CREB3L1: variants seen among roughly 807,000 people sequenced by gnomAD.
CREB3L1 encodes the protein cAMP responsive element binding protein 3 like 1, also known as cyclic AMP-responsive element-binding protein 3-like protein 1.
Under a neutral mutation model 54.5 loss-of-function variants are expected in CREB3L1, and 33 were observed. The observed-to-expected ratio is 0.61, with a 90% CI of 0.46 to 0.81. CREB3L1 has a LOEUF of 0.81. Ranked by LOEUF, CREB3L1 falls within the 30% of genes least tolerant of loss-of-function variation. The probability of loss-of-function intolerance (pLI) is 0.00; values close to 1 mark genes in which losing one functional copy is unlikely to be tolerated. For synonymous variants in CREB3L1, 284 were observed against 286.4 expected (o/e 0.99, Z 0.08); for missense variants, 656 against 673.3 (o/e 0.97, Z 0.29).
At chr11:46,318,862 C>T (rs1014452217) in intron 10 of CREB3L1, among the ~76,000 whole-genome samples, 13 of 151,894 alleles carry the variant, frequency 8.6e-5, no homozygotes, top group Non-Finnish European at 1.6e-4. Flanking sequence ...ACGTTGAGGG[C>T]CTTGAGGGGA....
At chr11:46,317,628 GA>G in intron 10 of CREB3L1, 141 bp downstream of exon 10, 1 of 1,089,220 alleles carries the variant, frequency 9.2e-7, no homozygotes, top group African/African-American at 1.6e-5. Context: ...TCCAGATGGG[GA>G]AACCGAGGCC....
At position 46,295,833 on chromosome 11, in the gene CREB3L1, A is replaced by G. The variant is rs1590342209; in HGVS notation, c.103-4102A>G. Among the ~76,000 whole-genome samples the G allele has an allele frequency of 6.6e-6, 1 of 152,174 alleles. No individual in the cohort carries two copies. Among genetic ancestry groups the G allele is most frequent in the Non-Finnish European group, 1.5e-5 (1 of 68,016 alleles). Reference sequence around the variant, plus strand: ...GGCGGCTGAGGCCAGGCTCCAAGAGAGGGTGCAGCCGAGAAGAGGGGTACG... The same window carrying G: ...GGCGGCTGAGGCCAGGCTCCAAGAGGGGGTGCAGCCGAGAAGAGGGGTACG... On this transcript the variant is annotated intron_variant, in intron 1 of 11. Transcript: ENST00000621158. This position sits in a 1 kb window ranked among gnomAD's most constrained non-coding sequence, Gnocchi z 4.6.
chr11:46,296,376 C>T (rs1329429630), intron 1 of CREB3L1, among the ~76,000 whole-genome samples: 2 of 152,088 alleles, frequency 1.3e-5, no homozygotes, highest in Admixed American at 1.3e-4. Context: ...CACCAGCTCA[C>T]TTTGCAGCCC....
At chr11:46,294,978 C>CA (rs372880059) in intron 1 of CREB3L1, 1 of 152,502 alleles carries the variant, frequency 6.6e-6, no homozygotes, top group African/African-American at 2.4e-5. Context: ...GATTCCCCCC[C>CA]ACCCCTTATC....
At chr11:46,292,892 G>GC in intron 1 of CREB3L1, among the ~76,000 whole-genome samples, 1 of 152,152 alleles carries the variant, frequency 6.6e-6, no homozygotes, top group Non-Finnish European at 1.5e-5. Context: ...AAAGTGCTAG[G>GC]ATTACAAGTG....
At position 46,311,034 on chromosome 11, in the gene CREB3L1, G is replaced by T. The variant is rs1301845530; in HGVS notation, c.598G>T (p.Asp200Tyr). 1.3e-6 allele frequency: 2 copies of T among 1,596,022 alleles called. No individual in the cohort carries two copies. The stretch of plus-strand genomic sequence containing the variant: ...TCGGTTTCCCCTGCTCTCCCCAGAG[G>T]ACCTGGTGCAGATGCCTCCGACGCC... ...VNQFLKVTPE[D>Y]LVQMPPTPPS... Residue 200 changes from aspartate (D) to tyrosine (Y), a missense_variant and splice_region_variant, in exon 5 of 12, where the codon GAC becomes TAC. Physicochemically the swap from Asp to Tyr is radical, Grantham distance 160. Around this residue, in one of 3 missense-constraint regions of CREB3L1, gnomAD observed 339 missense variants for 331.5 expected, o/e 1.02. Transcript: ENST00000621158.
At chr11:46,318,292 A>G (rs1221629832) in intron 10 of CREB3L1, among the ~76,000 whole-genome samples, 1 of 152,074 alleles carries the variant, frequency 6.6e-6, no homozygotes. Context: ...GATAATGTCT[A>G]CCATGGACAG....
chr11:46,300,100 C>A lies in CREB3L1; in HGVS notation c.268C>A (p.Leu90Met). The change falls in exon 2 of 12, where the codon CTG becomes ATG. Residue 90 changes from leucine (L) to methionine (M), a missense_variant. By Grantham distance (15) the Leu-to-Met change is conservative. Coordinates refer to ENST00000621158, the MANE Select transcript of CREB3L1 (RefSeq NM_052854.4). ...CATCCAGGCGGAGCACAGCTACTCCCTGAGCGGCGACTCAGCGCCCCAGAG... is the reference window on the plus strand; with the variant it reads ...CATCCAGGCGGAGCACAGCTACTCCATGAGCGGCGACTCAGCGCCCCAGAG... ...PGIQAEHSYS[L>M]SGDSAPQSPL... 1 of 1,613,878 alleles carries A rather than the reference C, an allele frequency of 6.2e-7. No individual in the cohort carries two copies. Among genetic ancestry groups the A allele is most frequent in the Non-Finnish European group, 8.5e-7 (1 of 1,179,830 alleles).
In CREB3L1 at chr11:46,320,514, G is replaced by T. The variant is rs1401502633; in HGVS notation, c.1509G>T (p.Glu503Asp). The change falls in exon 11 of 12, where the codon GAG (glutamate) becomes GAT (aspartate). Residue 503 changes from glutamate to aspartate, a missense_variant. This residue lies in a region of CREB3L1 where 240 missense variants were observed against 219.8 expected (regional missense o/e 1.09). Coordinates refer to ENST00000621158, the MANE Select transcript of CREB3L1 (RefSeq NM_052854.4). ...GTSPDFSHSK[E>D]WFHDRDLGPN... The stretch of plus-strand genomic sequence containing the variant: ...GCCCCGACTTCTCCCACTCCAAGGA[G>T]TGGTTCCACGACAGGTGGGGTGTGT... The T allele has an allele frequency of 4.0e-6, 6 of 1,510,876 alleles. No individual in the cohort carries two copies. Among genetic ancestry groups the T allele is most frequent in the African/African-American group, 1.9e-5 (1 of 51,768 alleles). 93.6% of individuals were successfully genotyped at this position (1,510,876 alleles called of 1,614,324 possible).
At position 46,295,654 on chromosome 11, in the gene CREB3L1, C is replaced by T. The variant is rs865884581; in HGVS notation, c.103-4281C>T. ...CTCCACGCCGCCACCGGCTGCTGCT[C>T]GCAGCCTCCCGCCATTGGCCAGGAG... is the stretch of plus-strand genomic sequence containing the variant. On this transcript the variant is annotated intron_variant, in intron 1 of 11. Coordinates refer to ENST00000621158, the MANE Select transcript of CREB3L1 (RefSeq NM_052854.4). This position sits in a 1 kb window ranked among gnomAD's most constrained non-coding sequence, Gnocchi z 4.6. 5.9e-5 allele frequency among the ~76,000 whole-genome samples: 9 copies of T among 152,348 alleles called. No individual in the cohort carries two copies. The highest frequency in any genetic ancestry group is 2.1e-4 in the South Asian group (1 of 4,828).
rs7476 is a variant in CREB3L1, at chr11:46,321,284, A to C, written c.*538A>C. ...CTCCCTGGCCCAGGAAAGAGGGACTACCTGACCCTCACCTGGCACCCCCCT... is the reference window on the plus strand; with the variant it reads ...CTCCCTGGCCCAGGAAAGAGGGACTCCCTGACCCTCACCTGGCACCCCCCT... On this transcript the variant is annotated 3_prime_UTR_variant, in exon 12 of 12. Transcript: ENST00000621158. 0.4 allele frequency: 106,631 copies of C among 263,682 alleles called. 27,827 individuals are homozygous for C. Among genetic ancestry groups the C allele is most frequent in the African/African-American group, 0.84 (39,611 of 46,970 alleles). The allele number at this position is 263,682 out of a possible 1,614,324, so 16.3% of individuals were successfully genotyped here.
chr11:46,296,918 TG>T (rs988550648), intron 1 of CREB3L1, among the ~76,000 whole-genome samples: 14 of 152,178 alleles, frequency 9.2e-5, no homozygotes. Flanking sequence ...AAAGGGTCTC[TG>T]GGAAGAACCT....
In CREB3L1 at chr11:46,320,273, G is replaced by A. The variant is rs1225993766; in HGVS notation, c.1268G>A (p.Arg423Gln). 8 of 1,604,174 alleles carry A rather than the reference G, an allele frequency of 5.0e-6. No individual in the cohort carries two copies. Among genetic ancestry groups the A allele is most frequent in the East Asian group, 2.2e-5 (1 of 44,776 alleles). The change falls in exon 11 of 12, where the codon CGA becomes CAA. Residue 423 changes from arginine to glutamine, a missense_variant. Physicochemically the swap from Arg to Gln is conservative, Grantham distance 43. This residue lies in a region of CREB3L1 where 240 missense variants were observed against 219.8 expected (regional missense o/e 1.09). Transcript: ENST00000621158. ...GVYTASQMPS[R>Q]SLLFYDDGAG... is the part of the protein sequence containing the mutation. ...TACACTCCCTCTCCAGTGCCCTCCC[G>A]AAGCCTCCTATTCTACGATGACGGG...
intron 10 of CREB3L1, among the ~76,000 whole-genome samples, chr11:46,318,226 AAG>A (rs1939596398): frequency 6.6e-6 from 1 of 151,872 alleles, no homozygotes; most frequent in African/African-American, 2.4e-5. Flanking sequence ...TCAAAAAAAA[AAG>A]AAGGATCCTG....
intron 1 of CREB3L1, among the ~76,000 whole-genome samples, chr11:46,292,293 G>A (rs1045898327): frequency 2.0e-5 from 3 of 152,204 alleles, no homozygotes; most frequent in African/African-American, 4.8e-5. Flanking sequence ...AGCAAGATTC[G>A]GGACGGTCAT....
intron 1 of CREB3L1, among the ~76,000 whole-genome samples, chr11:46,281,397 G>A (rs185584375): frequency 6.6e-6 from 1 of 152,372 alleles, no homozygotes; most frequent in Non-Finnish European, 1.5e-5. Flanking sequence ...CTCTGGCTAA[G>A]GGGAAGGGAT....
At chr11:46,289,403 C>T (rs1418078590) in intron 1 of CREB3L1, among the ~76,000 whole-genome samples, 1 of 152,066 alleles carries the variant, frequency 6.6e-6, no homozygotes, top group Non-Finnish European at 1.5e-5. Context: ...TGAAACCTGT[C>T]CTTGATCTAC....
rs755881022 is a variant in CREB3L1 at position 46,320,550 on chromosome 11, C to T, written c.1523+22C>T. The stretch of plus-strand genomic sequence containing the variant: ...ACAGGTGGGGTGTGTGGCCCCTTTC[C>T]CTCCTGAGGTCTCAGGCTCCACCTG... On this transcript the variant is annotated intron_variant, in intron 11 of 11. Coordinates refer to ENST00000621158, the MANE Select transcript of CREB3L1 (RefSeq NM_052854.4). The T allele has an allele frequency of 6.4e-6, 10 of 1,560,836 alleles. No homozygotes were observed. In the East Asian group the frequency reaches 2.2e-4, roughly 34 times the overall value.
chr11:46,281,142 C>T (rs1938965164), intron 1 of CREB3L1, among the ~76,000 whole-genome samples: 2 of 152,162 alleles, frequency 1.3e-5, no homozygotes. Context: ...TTATGCGATT[C>T]TCAGAGATCC....
Sources: allele counts gnomAD v4.1 joint callset (sites outside exome capture counted in the v4.1 genomes callset), GRCh38; gene constraint gnomAD v4.1.1; regional missense constraint gnomAD v4.1.1; non-coding constraint Gnocchi (gnomAD v3.1); transcripts MANE v1.5; gene names NCBI Gene and HGNC (gene_info 2026-07-23, HGNC 2026-07-21).